Variants in CIT observed in about 807,000 individuals in gnomAD.
CIT encodes citron Rho-interacting kinase.
A neutral mutation model predicts 272.7 loss-of-function variants in CIT; 79 were observed. That is an observed-to-expected ratio of 0.29 (90% confidence interval 0.24 to 0.35). CIT has a LOEUF of 0.35. Among genes scored for constraint, CIT ranks in the 10% least tolerant of loss-of-function variants. The pLI is 1.00. For missense variants in CIT, 1,909 were observed against 2,618.3 expected, an observed-to-expected ratio of 0.73 and a Z score of 5.91; for synonymous variants, 948 against 995.6, an observed-to-expected ratio of 0.95 and a Z score of 0.90.
At chr12:119,861,587 C>CAA (rs1253525877) in intron 3 of CIT, among the ~76,000 whole-genome samples, 204 of 125,642 alleles carry the variant, frequency 1.6e-3, no homozygotes, top group African/African-American at 5.4e-3. Flanking sequence ...AACTCCATCT[C>CAA]AAAAAAAAAA....
At chr12:119,698,838 G>A (rs1017222399) in intron 44 of CIT, among the ~76,000 whole-genome samples, 5 of 152,188 alleles carry the variant, frequency 3.3e-5, no homozygotes, top group Non-Finnish European at 7.4e-5. Flanking sequence ...ACTCATATGA[G>A]CTTTTTTTTC....
At chr12:119,814,290 C>A (rs1398913347) in intron 9 of CIT, among the ~76,000 whole-genome samples, 1 of 152,118 alleles carries the variant, frequency 6.6e-6, no homozygotes, top group Non-Finnish European at 1.5e-5. Flanking sequence ...CCTATTTTTT[C>A]TTACCAATCA....
chr12:119,865,125 C>T (rs1407190168), intron 3 of CIT, among the ~76,000 whole-genome samples: 2 of 152,188 alleles, frequency 1.3e-5, no homozygotes, highest in Non-Finnish European at 2.9e-5. Flanking sequence ...CTCTTAAACA[C>T]TCCCCAGGAA....
chr12:119,792,808 C>CAATGGTATTTTA (rs1207280595), intron 10 of CIT, among the ~76,000 whole-genome samples: 1 of 151,922 alleles, frequency 6.6e-6, no homozygotes, highest in Admixed American at 6.6e-5. Flanking sequence ...TTAAAATACA[C>CAATGGTATTTTA]AATGGTGGCC....
chr12:119,831,981 T>A (rs1968673730), intron 7 of CIT, among the ~76,000 whole-genome samples: 1 of 152,242 alleles, frequency 6.6e-6, no homozygotes, highest in East Asian at 1.9e-4. Context: ...CCTCTTAAAT[T>A]ATGCATTTTC....
intron 9 of CIT, among the ~76,000 whole-genome samples, chr12:119,818,638 T>C (rs564186108): frequency 1.3e-5 from 2 of 152,222 alleles, no homozygotes; most frequent in African/African-American, 4.8e-5. Flanking sequence ...ACCTGAAAAA[T>C]CAGGATCATG....
At chr12:119,792,832 C>T (rs1005141103) in intron 10 of CIT, among the ~76,000 whole-genome samples, 2 of 151,866 alleles carry the variant, frequency 1.3e-5, no homozygotes, top group Admixed American at 6.6e-5. Context: ...TGTGGTGGCA[C>T]GCACCTGTAG....
intron 4 of CIT, among the ~76,000 whole-genome samples, chr12:119,853,542 G>C (rs554320881): frequency 6.6e-6 from 1 of 152,260 alleles, no homozygotes; most frequent in Non-Finnish European, 1.5e-5. Flanking sequence ...GCCTCCCAAA[G>C]TGCTGGGATT....
Position 119,712,634 on chromosome 12 carries a change from A to G in CIT, c.4641T>C (p.His1547=). ...LCLPDGDVSI[H]GAVGASELAN... ...CGAGTTCGGAAGCACCAACGGCACC[A>G]TGAATAGATACATCCCCGTCGGGAA... The change falls in exon 36 of 48, where the codon CAT becomes CAC. Residue 1547 remains histidine, a synonymous_variant. Transcript: ENST00000392521. This position sits in a 1 kb window ranked among gnomAD's most constrained non-coding sequence, Gnocchi z 5.2. The G allele has an allele frequency of 6.2e-7, 1 of 1,614,196 alleles. No individual in the cohort carries two copies. The highest frequency in any genetic ancestry group is 8.5e-7 in the Non-Finnish European group (1 of 1,180,038).
intron 28 of CIT, among the ~76,000 whole-genome samples, chr12:119,725,642 T>A (rs1236778995): frequency 6.6e-6 from 1 of 152,152 alleles, no homozygotes; most frequent in East Asian, 1.9e-4. Context: ...TGCTCAAAAA[T>A]CTTTCTGTGA....
chr12:119,686,198 T>A lies in CIT; in HGVS notation c.*2034A>T, dbSNP rs922941109. The A allele has an allele frequency of 2.0e-5, 3 of 152,470 alleles. No homozygotes were observed. The highest frequency in any genetic ancestry group is 7.2e-5 in the African/African-American group (3 of 41,452). The allele number at this position is 152,470 out of a possible 1,614,324, so 9.4% of individuals were successfully genotyped here. On this transcript the variant is annotated 3_prime_UTR_variant, in exon 48 of 48. Transcript: ENST00000392521. The stretch of plus-strand genomic sequence containing the variant: ...TACAGTCTTTTGAGCTAGTTCTATA[T>A]AGCAGAAAGCAGTTCACAGATGAGA...
chr12:119,741,238 C>A (rs921494596), intron 24 of CIT, among the ~76,000 whole-genome samples: 3 of 151,884 alleles, frequency 2.0e-5, no homozygotes, highest in Non-Finnish European at 4.4e-5. Flanking sequence ...AAAAGCTAAG[C>A]CCCAGAGAGC....
At chr12:119,810,519 G>A (rs1277481836) in intron 9 of CIT, among the ~76,000 whole-genome samples, 4 of 151,848 alleles carry the variant, frequency 2.6e-5, no homozygotes, top group Admixed American at 1.3e-4. Flanking sequence ...GGCCAATATG[G>A]TGAAAGCCCA....
At chr12:119,704,206 T>A (rs1216050369) in intron 41 of CIT, among the ~76,000 whole-genome samples, 157 bp downstream of exon 41, 1 of 152,098 alleles carries the variant, frequency 6.6e-6, no homozygotes, top group Non-Finnish European at 1.5e-5. Context: ...AAAGGAAGGA[T>A]CTCGCTGACG....
At chr12:119,796,822 G>C (rs1412284213) in intron 10 of CIT, among the ~76,000 whole-genome samples, 3 of 152,184 alleles carry the variant, frequency 2.0e-5, no homozygotes, top group African/African-American at 4.8e-5. Context: ...AGAGGTAGGA[G>C]GGAAACCAAG....
intron 10 of CIT, among the ~76,000 whole-genome samples, chr12:119,792,866 G>A (rs1376461929): frequency 6.6e-6 from 1 of 152,034 alleles, no homozygotes; most frequent in Non-Finnish European, 1.5e-5. Flanking sequence ...GGAGGCTGAG[G>A]CAGGAGAATT....
At chr12:119,758,553 G>A (rs772929943) in intron 21 of CIT, 38 bp downstream of exon 21, 1 of 1,318,126 alleles carries the variant, frequency 7.6e-7, no homozygotes, top group East Asian at 2.3e-5. Context: ...GGAGACCAAA[G>A]TGTAATAATG....
rs1200578788 is a variant in CIT at position 119,728,210 on chromosome 12, A to G, written c.3591+292T>C. ...TAAAGGTGGATAACTGTCATTACAC[A>G]TTTGTCAAAACCCATAGAACATACA... On this transcript the variant is annotated intron_variant, in intron 28 of 47. Coordinates refer to ENST00000392521, the MANE Select transcript of CIT (RefSeq NM_001206999.2). The surrounding 1 kb of genome is among the most constrained non-coding windows in gnomAD (Gnocchi z 4.3). Among the ~76,000 whole-genome samples, 1 of 152,160 alleles carries G rather than the reference A, an allele frequency of 6.6e-6. No homozygotes were observed. Among genetic ancestry groups the G allele is most frequent in the Admixed American group, 6.5e-5 (1 of 15,280 alleles).
chr12:119,824,708 TC>T (rs1259401122), intron 8 of CIT, among the ~76,000 whole-genome samples: 1 of 152,230 alleles, frequency 6.6e-6, no homozygotes, highest in Non-Finnish European at 1.5e-5. Context: ...AAACATTCAT[TC>T]ACACAATACG....
Sources: allele counts gnomAD v4.1 joint callset (sites outside exome capture counted in the v4.1 genomes callset), GRCh38; gene constraint gnomAD v4.1.1; non-coding constraint Gnocchi (gnomAD v3.1); transcripts MANE v1.5; gene names NCBI Gene and HGNC (gene_info 2026-07-23, HGNC 2026-07-21).